Variants in PALM2AKAP2 observed in about 807,000 individuals in gnomAD.
PALM2AKAP2 encodes PALM2-AKAP2 fusion protein.
PALM2AKAP2 carries 37 observed loss-of-function variants against 71.5 expected under a neutral mutation model. The observed-to-expected ratio is 0.52, with a 90% CI of 0.40 to 0.68. The LOEUF is 0.68. PALM2AKAP2 is among the 30% of genes least tolerant of loss of function. The probability of loss-of-function intolerance (pLI) is 0.00; values close to 1 mark genes in which losing one functional copy is unlikely to be tolerated. For synonymous variants in PALM2AKAP2, 468 were observed against 478.8 expected, an observed-to-expected ratio of 0.98 and a Z score of 0.29; for missense variants, 1,224 against 1,191.8, an observed-to-expected ratio of 1.03 and a Z score of -0.40.
chr9:110,105,141 G>A lies in PALM2AKAP2; in HGVS notation c.157-30986G>A, dbSNP rs115463531. Among the ~76,000 whole-genome samples the A allele has an allele frequency of 2.2e-3, 328 of 152,280 alleles. 2 individuals are homozygous for A. The highest frequency in any genetic ancestry group is 7.7e-3 in the African/African-American group (320 of 41,554). On this transcript the variant is annotated intron_variant, in intron 1 of 3. Transcript: ENST00000374525. ...GCAGAGCTCTGTATATGTTTTAATGGTTAGTTTTCTAAAGAGTTTTACCTA... is the reference window on the plus strand; with the variant it reads ...GCAGAGCTCTGTATATGTTTTAATGATTAGTTTTCTAAAGAGTTTTACCTA...
intron 6 of PALM2AKAP2, among the ~76,000 whole-genome samples, chr9:109,990,631 C>T (rs769258826): frequency 2.0e-5 from 3 of 152,206 alleles, no homozygotes; most frequent in Non-Finnish European, 2.9e-5. Flanking sequence ...AAATTCAACT[C>T]TCTGTCAAAG....
At chr9:109,802,062 G>A (rs1346077198) in intron 1 of PALM2AKAP2, among the ~76,000 whole-genome samples, 1 of 152,178 alleles carries the variant, frequency 6.6e-6, no homozygotes, top group Non-Finnish European at 1.5e-5. Context: ...GCTTTGGAGA[G>A]TCTGTGTATG....
chr9:109,997,408 A>G lies in PALM2AKAP2; in HGVS notation c.497-18546A>G, dbSNP rs73526503. Among the ~76,000 whole-genome samples, 941 of 152,264 alleles carry G rather than the reference A, an allele frequency of 6.2e-3. 6 individuals carry two copies. The highest frequency in any genetic ancestry group is 0.021 in the African/African-American group (860 of 41,534). On this transcript the variant is annotated intron_variant, in intron 6 of 9. Transcript: ENST00000302798. ...ACATCCTCTGGATAGTCTCGCTGTC[A>G]TTACTGCTACTATTGCAGCCCCGCT... is the stretch of plus-strand genomic sequence containing the variant.
At chr9:109,735,638 C>G (rs1828619042) in intron 1 of PALM2AKAP2, among the ~76,000 whole-genome samples, 1 of 152,184 alleles carries the variant, frequency 6.6e-6, no homozygotes, top group African/African-American at 2.4e-5. Context: ...GAAGTTTCCT[C>G]TTTTCATTTT....
intron 6 of PALM2AKAP2, among the ~76,000 whole-genome samples, chr9:109,936,480 A>G (rs1211460008): frequency 6.6e-6 from 1 of 152,190 alleles, no homozygotes; most frequent in Non-Finnish European, 1.5e-5. Flanking sequence ...ACATATTTAT[A>G]TGTATAACCA....
chr9:110,152,713 C>T (rs1209374662), intron 2 of PALM2AKAP2, among the ~76,000 whole-genome samples: 2 of 152,224 alleles, frequency 1.3e-5, no homozygotes, highest in Non-Finnish European at 2.9e-5. Flanking sequence ...CCTCTGGCTG[C>T]AAACTCTGGA....
At chr9:110,155,023 G>C (rs1483038001) in intron 2 of PALM2AKAP2, among the ~76,000 whole-genome samples, 1 of 152,190 alleles carries the variant, frequency 6.6e-6, no homozygotes, top group Non-Finnish European at 1.5e-5. Context: ...AGTACTGGAA[G>C]AGCAGGAGTT....
At chr9:109,942,670 CTT>C (rs764099809) in intron 6 of PALM2AKAP2, 3 of 1,529,190 alleles carry the variant, frequency 2.0e-6, no homozygotes, top group Admixed American at 2.2e-5. Context: ...CTTCCTTTCT[CTT>C]GTTTTCATTC....
At chr9:109,858,333 T>C (rs1044046104) in intron 1 of PALM2AKAP2, among the ~76,000 whole-genome samples, 2 of 147,468 alleles carry the variant, frequency 1.4e-5, no homozygotes, top group Non-Finnish European at 3.0e-5. Flanking sequence ...ACTATGTAAA[T>C]GTTTGCTAGC....
chr9:110,007,237 C>A (rs1304415136), intron 6 of PALM2AKAP2, among the ~76,000 whole-genome samples: 1 of 152,166 alleles, frequency 6.6e-6, no homozygotes, highest in Non-Finnish European at 1.5e-5. Context: ...AATTAGCCAC[C>A]TCTGGTGCCA....
intron 1 of PALM2AKAP2, among the ~76,000 whole-genome samples, chr9:109,764,321 G>C (rs1829110610): frequency 6.7e-6 from 1 of 148,896 alleles, no homozygotes; most frequent in Non-Finnish European, 1.5e-5. Context: ...CCTCCATCTT[G>C]TACATCCTTC....
intron 7 of PALM2AKAP2, among the ~76,000 whole-genome samples, chr9:110,035,472 A>ATATGT (rs1279999782): frequency 6.9e-6 from 1 of 144,048 alleles, no homozygotes; most frequent in Non-Finnish European, 1.5e-5. Flanking sequence ...TATATATATG[A>ATATGT]TATGTTGTGT....
rs142447153 is a variant in PALM2AKAP2 at position 109,714,928 on chromosome 9, C to G, written c.6-65560C>G. ...ATGGGATGGGCTGCCCCTGTTGTGA[C>G]TGCATCAAAGTTTAGCTTCTCCCCA... On this transcript the variant is annotated intron_variant, in intron 1 of 6. Transcript: ENST00000374531. Among the ~76,000 whole-genome samples, 6 of 152,310 alleles carry G rather than the reference C, an allele frequency of 3.9e-5. No individual in the cohort carries two copies. In the East Asian group the frequency reaches 1.2e-3, roughly 29 times the overall value.
chr9:109,649,187 T>A (rs1462678041), intron 1 of PALM2AKAP2, among the ~76,000 whole-genome samples: 1 of 152,186 alleles, frequency 6.6e-6, no homozygotes, highest in Non-Finnish European at 1.5e-5. Flanking sequence ...GTAGTTCCTT[T>A]GTTCTGAAGA....
At chr9:109,779,541 A>T (rs901888456), upstream of PALM2AKAP2, among the ~76,000 whole-genome samples, 2 of 152,186 alleles carry the variant, frequency 1.3e-5, no homozygotes, top group Non-Finnish European at 2.9e-5. Context: ...TCAGATGAGG[A>T]AACTGAGGTT....
intron 5 of PALM2AKAP2, among the ~76,000 whole-genome samples, chr9:109,928,958 C>T (rs1017989193): frequency 1.3e-5 from 2 of 152,152 alleles, no homozygotes; most frequent in African/African-American, 2.4e-5. Flanking sequence ...TGAGCTACTG[C>T]GCCCAGCCCA....
chr9:109,742,463 G>C (rs1457241073), intron 1 of PALM2AKAP2, among the ~76,000 whole-genome samples: 2 of 152,120 alleles, frequency 1.3e-5, no homozygotes, highest in Non-Finnish European at 2.9e-5. Flanking sequence ...GATAAAATGG[G>C]TCAGGAGTCT....
chr9:110,009,683 C>T (rs1832844635), intron 6 of PALM2AKAP2, among the ~76,000 whole-genome samples: 1 of 146,852 alleles, frequency 6.8e-6, no homozygotes. Context: ...CACTGCACTC[C>T]AGCCTGGGCA....
At chr9:110,092,069 T>C (rs1015482215) in intron 1 of PALM2AKAP2, among the ~76,000 whole-genome samples, 1 of 152,152 alleles carries the variant, frequency 6.6e-6, no homozygotes, top group African/African-American at 2.4e-5. Context: ...CAGTGGCTCA[T>C]ACCTGTAATC....
Sources: allele counts gnomAD v4.1 joint callset (sites outside exome capture counted in the v4.1 genomes callset), GRCh38; gene constraint gnomAD v4.1.1; transcripts MANE v1.5; gene names NCBI Gene and HGNC (gene_info 2026-07-23, HGNC 2026-07-21).